The following TAF4B variants were observed in gnomAD, a reference collection of about 807,000 sequenced individuals.
The protein encoded by TAF4B is TATA-box binding protein associated factor 4b, also known as transcription initiation factor TFIID subunit 4B.
In TAF4B, 38 loss-of-function variants were observed where a neutral mutation model predicts 86.4. The ratio of observed to expected loss-of-function variants is 0.44; its 90% confidence interval spans 0.34 to 0.58. The LOEUF (loss-of-function observed/expected upper bound fraction) is 0.58. Ranked by LOEUF, TAF4B falls within the 20% of genes least tolerant of loss-of-function variation. The pLI is 0.02. For synonymous variants in TAF4B, 388 were observed against 391.2 expected (o/e 0.99, Z 0.10); for missense variants, 988 against 1,027.6 (o/e 0.96, Z 0.53).
chr18:26,291,031 T>G (rs2056585834), intron 7 of TAF4B, among the ~76,000 whole-genome samples: 1 of 152,184 alleles, frequency 6.6e-6, no homozygotes, highest in Non-Finnish European at 1.5e-5. Context: ...TAACTAACAT[T>G]TCTTCTCTAG....
At chr18:26,334,239 A>G (rs972402497) in intron 12 of TAF4B, among the ~76,000 whole-genome samples, 1 of 152,296 alleles carries the variant, frequency 6.6e-6, no homozygotes, top group Admixed American at 6.5e-5. Flanking sequence ...TTTAAAGACT[A>G]TCTCTTATAT....
At chr18:26,374,701 C>T (rs1289657975) in intron 14 of TAF4B, among the ~76,000 whole-genome samples, 8 of 152,092 alleles carry the variant, frequency 5.3e-5, no homozygotes, top group Non-Finnish European at 1.0e-4. Flanking sequence ...TTCAGATTTT[C>T]AATTAATGTT....
intron 14 of TAF4B, among the ~76,000 whole-genome samples, chr18:26,361,863 G>T (rs2057334873): frequency 6.6e-6 from 1 of 151,570 alleles, no homozygotes; most frequent in African/African-American, 2.4e-5. Flanking sequence ...CTTTGTTTTT[G>T]GTCCATTTGT....
intron 14 of TAF4B, among the ~76,000 whole-genome samples, chr18:26,370,397 A>G (rs2057398522): frequency 6.6e-6 from 1 of 151,876 alleles, no homozygotes; most frequent in Non-Finnish European, 1.5e-5. Context: ...AGATATTAGC[A>G]GATTCCAATG....
At chr18:26,329,209 C>T (rs1386862007) in intron 12 of TAF4B, among the ~76,000 whole-genome samples, 6 of 152,056 alleles carry the variant, frequency 3.9e-5, no homozygotes, top group Non-Finnish European at 8.8e-5. Flanking sequence ...ACGCACACAC[C>T]ACTACGCCTG....
At chr18:26,373,277 C>T (rs2057419155) in intron 14 of TAF4B, among the ~76,000 whole-genome samples, 1 of 152,096 alleles carries the variant, frequency 6.6e-6, no homozygotes, top group Non-Finnish European at 1.5e-5. Flanking sequence ...AAAGCTTGCC[C>T]TCTTCTCTTA....
At chr18:26,351,177 A>G (rs1037568796) in intron 13 of TAF4B, among the ~76,000 whole-genome samples, 7 of 152,210 alleles carry the variant, frequency 4.6e-5, no homozygotes, top group African/African-American at 1.7e-4. Flanking sequence ...GTGGAATACT[A>G]TACAGCCATA....
At chr18:26,340,784 A>G (rs1309575016) in intron 13 of TAF4B, among the ~76,000 whole-genome samples, 1 of 152,122 alleles carries the variant, frequency 6.6e-6, no homozygotes, top group African/African-American at 2.4e-5. Context: ...CATCACTTTT[A>G]TTTTCCCACT....
intron 8 of TAF4B, among the ~76,000 whole-genome samples, chr18:26,292,722 C>T (rs1479676987): frequency 6.6e-6 from 1 of 152,100 alleles, no homozygotes; most frequent in African/African-American, 2.4e-5. Context: ...TGGGTTTTAC[C>T]ATGTTGGCCA....
chr18:26,247,394 G>A (rs572093890), intron 1 of TAF4B, among the ~76,000 whole-genome samples: 28 of 152,288 alleles, frequency 1.8e-4, no homozygotes, highest in African/African-American at 6.7e-4. Context: ...TAGCTAACAT[G>A]TATGAGGACC....
intron 1 of TAF4B, among the ~76,000 whole-genome samples, chr18:26,247,709 C>T (rs528113236): frequency 7.2e-5 from 11 of 152,142 alleles, no homozygotes; most frequent in East Asian, 3.9e-4. Context: ...TAGCAAAATC[C>T]TGTCCCTACT....
At chr18:26,338,411 T>C (rs544494448) in intron 13 of TAF4B, among the ~76,000 whole-genome samples, 1 of 146,188 alleles carries the variant, frequency 6.8e-6, no homozygotes, top group African/African-American at 2.5e-5. Flanking sequence ...ATGGTGCCAC[T>C]GGACTGACTC....
At chr18:26,340,669 G>A (rs992311404) in intron 13 of TAF4B, among the ~76,000 whole-genome samples, 1 of 152,044 alleles carries the variant, frequency 6.6e-6, no homozygotes, top group African/African-American at 2.4e-5. Flanking sequence ...TTGAAAATGG[G>A]ATTTCCAATA....
At chr18:26,278,657 T>C (rs930813862) in intron 5 of TAF4B, among the ~76,000 whole-genome samples, 1 of 151,084 alleles carries the variant, frequency 6.6e-6, no homozygotes, top group African/African-American at 2.4e-5. Context: ...CACTGTAGAA[T>C]GTGATGATGG....
intron 1 of TAF4B, among the ~76,000 whole-genome samples, chr18:26,237,955 A>C (rs4800251): frequency 0.77 from 117,467 of 151,964 alleles, 46,337 homozygotes; most frequent in East Asian, 0.95. Flanking sequence ...GTGGTTTTTT[A>C]CCCCTGCCGA....
At chr18:26,251,109 A>G (rs1430309108) in intron 1 of TAF4B, among the ~76,000 whole-genome samples, 1 of 152,202 alleles carries the variant, frequency 6.6e-6, no homozygotes, top group African/African-American at 2.4e-5. Flanking sequence ...TCCTATGGAA[A>G]TGAGAGTGGG....
chr18:26,282,106 T>C, intron 6 of TAF4B, 46 bp downstream of exon 6: 1 of 1,411,488 alleles, frequency 7.1e-7, no homozygotes, highest in Non-Finnish European at 9.9e-7. Context: ...ATTAGATTAC[T>C]CTAAAATAAT....
rs1046640834 is a variant in TAF4B, at chr18:26,292,246, G to A, written c.1591G>A (p.Val531Ile). Residue 531 changes from valine to isoleucine, a missense_variant and splice_region_variant, in exon 8 of 15, where the codon GTA (valine) becomes ATA (isoleucine). Val to Ile is a conservative substitution (Grantham distance 29). Coordinates refer to ENST00000269142, the MANE Select transcript of TAF4B (RefSeq NM_005640.3). ...ATATTGATAGTTCTCATTGTTTCAG[G>A]TAGTTCAGCAGCCTTCAGGAGGCAA... ...IPQAVQVKQL[V>I]VQQPSGGNEK... 2.5e-6 allele frequency: 4 copies of A among 1,613,348 alleles called. No homozygotes were observed. The highest frequency in any genetic ancestry group is 3.4e-6 in the Non-Finnish European group (4 of 1,179,758).
intron 14 of TAF4B, among the ~76,000 whole-genome samples, chr18:26,368,011 C>A (rs1308761669): frequency 6.6e-6 from 1 of 152,108 alleles, no homozygotes; most frequent in Non-Finnish European, 1.5e-5. Context: ...CTCTACCGTT[C>A]CTTTGTGCTC....
Sources: gnomAD v4.1 joint callset for allele counts (sites outside exome capture counted in the v4.1 genomes callset) on GRCh38, gnomAD v4.1.1 for gene constraint, MANE v1.5 for transcripts, NCBI Gene and HGNC (gene_info 2026-07-23, HGNC 2026-07-21) for gene names.